The following IL1RAPL1 variants were observed in gnomAD, a reference collection of about 807,000 sequenced individuals.
IL1RAPL1 encodes interleukin 1 receptor accessory protein like 1.
IL1RAPL1 carries 3 observed loss-of-function variants against 48.4 expected under a neutral mutation model. The ratio of observed to expected loss-of-function variants is 0.06; its 90% CI spans 0.03 to 0.16. IL1RAPL1 has a LOEUF of 0.16. Ranked by LOEUF, IL1RAPL1 falls within the 10% of genes least tolerant of loss-of-function variation. IL1RAPL1 has a pLI of 1.00. For synonymous variants in IL1RAPL1, 185 were observed against 187.7 expected (o/e 0.99, Z 0.12); for missense variants, 349 against 530.6 (o/e 0.66, Z 3.36).
intron 3 of IL1RAPL1, among the ~76,000 whole-genome samples, chrX:29,295,027 A>G (rs1283857114): frequency 9.0e-6 from 1 of 111,517 alleles, no homozygotes; most frequent in African/African-American, 3.3e-5. Context: ...ACAGACAAGG[A>G]GTGTTTACAA....
intron 2 of IL1RAPL1, among the ~76,000 whole-genome samples, chrX:28,857,820 T>C (rs1921842122): frequency 8.9e-6 from 1 of 112,119 alleles, no homozygotes; most frequent in South Asian, 3.7e-4. Context: ...AAAGGTGTGA[T>C]TTTTCAAGTA....
At chrX:28,876,117 C>T (rs1186827670) in intron 2 of IL1RAPL1, among the ~76,000 whole-genome samples, 1 of 111,447 alleles carries the variant, frequency 9.0e-6, no homozygotes, top group African/African-American at 3.3e-5. Flanking sequence ...CCAAATAAAT[C>T]TGTGTTCTTT....
intron 6 of IL1RAPL1, among the ~76,000 whole-genome samples, chrX:29,752,064 A>G (rs1336785811): frequency 1.1e-5 from 1 of 92,721 alleles, no homozygotes; most frequent in Non-Finnish European, 2.0e-5. Context: ...ATATATATGT[A>G]TATATATGTG....
chrX:28,730,999 C>T (rs10521945), intron 1 of IL1RAPL1, among the ~76,000 whole-genome samples: 6,477 of 110,782 alleles, frequency 0.058, 373 homozygotes, highest in East Asian at 0.33. Context: ...GGAAGTGACT[C>T]AGATGTAAGA....
chrX:29,435,537 T>G (rs1274875038), intron 5 of IL1RAPL1, among the ~76,000 whole-genome samples: 1 of 111,048 alleles, frequency 9.0e-6, no homozygotes, highest in Non-Finnish European at 1.9e-5. Flanking sequence ...GAATGCGAAG[T>G]GGTACCTCAT....
intron 5 of IL1RAPL1, among the ~76,000 whole-genome samples, chrX:29,472,145 C>T (rs1934928320): frequency 8.9e-6 from 1 of 111,907 alleles, no homozygotes; most frequent in African/African-American, 3.3e-5. Context: ...GGCTATACAA[C>T]TAAATCCTAC....
intron 2 of IL1RAPL1, among the ~76,000 whole-genome samples, chrX:28,915,847 A>T (rs938439690): frequency 1.8e-5 from 2 of 110,343 alleles, no homozygotes; most frequent in African/African-American, 6.6e-5. Flanking sequence ...CAACATATTC[A>T]TTTTTTTTAA....
At chrX:29,847,464 A>G (rs1488849173) in intron 6 of IL1RAPL1, among the ~76,000 whole-genome samples, 1 of 112,191 alleles carries the variant, frequency 8.9e-6, no homozygotes, top group Non-Finnish European at 1.9e-5. Context: ...TGAGTTGTGT[A>G]AAAATTTTAA....
rs144992911 is a variant in IL1RAPL1, at chrX:29,402,163, G to A, written c.703+2855G>A. Among the ~76,000 whole-genome samples the A allele has an allele frequency of 9.6e-3, 1,071 of 111,281 alleles. 14 individuals carry two copies. The highest frequency in any genetic ancestry group is 0.033 in the African/African-American group (1,014 of 30,647). ...TTTTCTTTTAAATTAAAGATGTTACGGCACCATCTCTAGCCTCTATCTTTT... is the reference window on the plus strand; with the variant it reads ...TTTTCTTTTAAATTAAAGATGTTACAGCACCATCTCTAGCCTCTATCTTTT... On this transcript the variant is annotated intron_variant, in intron 5 of 10. Coordinates refer to ENST00000378993, the MANE Select transcript of IL1RAPL1 (RefSeq NM_014271.4).
chrX:29,679,851 T>A (rs184811361), intron 6 of IL1RAPL1, among the ~76,000 whole-genome samples: 35 of 111,978 alleles, frequency 3.1e-4, no homozygotes, highest in Admixed American at 1.7e-3. Flanking sequence ...GTGACTATTA[T>A]GAAAGACATG....
intron 5 of IL1RAPL1, among the ~76,000 whole-genome samples, chrX:29,586,906 G>A (rs1014971473): frequency 2.7e-5 from 3 of 111,178 alleles, no homozygotes; most frequent in Non-Finnish European, 5.7e-5. Context: ...TACCAAATTC[G>A]TGTTGTAGCA....
chrX:28,863,343 A>C (rs1255292784), intron 2 of IL1RAPL1, among the ~76,000 whole-genome samples: 1 of 111,060 alleles, frequency 9.0e-6, no homozygotes, highest in Non-Finnish European at 1.9e-5. Context: ...TTTAAAAAAA[A>C]AAAATGAGTG....
intron 2 of IL1RAPL1, among the ~76,000 whole-genome samples, chrX:28,843,243 A>T (rs2147293006): frequency 9.1e-6 from 1 of 110,183 alleles, no homozygotes; most frequent in African/African-American, 3.3e-5. Flanking sequence ...TATATAATTA[A>T]TGAGCTGAAC....
At chrX:29,801,074 A>C (rs1229807951) in intron 6 of IL1RAPL1, among the ~76,000 whole-genome samples, 2 of 95,994 alleles carry the variant, frequency 2.1e-5, no homozygotes, top group Non-Finnish European at 4.2e-5. Flanking sequence ...AAAAAAAAAA[A>C]AAAAAACTCA....
intron 3 of IL1RAPL1, among the ~76,000 whole-genome samples, chrX:29,387,297 T>C (rs1933790517): frequency 1.8e-5 from 2 of 112,464 alleles, no homozygotes; most frequent in Non-Finnish European, 1.9e-5. Flanking sequence ...TTTTTCCAGA[T>C]GCAGATAGTC....
chrX:29,144,332 G>T (rs1480650838), intron 2 of IL1RAPL1, among the ~76,000 whole-genome samples: 3 of 110,427 alleles, frequency 2.7e-5, no homozygotes, highest in Non-Finnish European at 3.8e-5. Flanking sequence ...GCTGGGTGCG[G>T]TGGCTCACAC....
intron 1 of IL1RAPL1, among the ~76,000 whole-genome samples, chrX:28,703,934 T>A (rs1346338727): frequency 8.9e-6 from 1 of 111,899 alleles, no homozygotes; most frequent in African/African-American, 3.2e-5. Context: ...TTCTGTTCAT[T>A]TGAGTTTCCA....
At chrX:29,305,138 G>A (rs1932597950) in intron 3 of IL1RAPL1, among the ~76,000 whole-genome samples, 1 of 111,897 alleles carries the variant, frequency 8.9e-6, no homozygotes, top group Non-Finnish European at 1.9e-5. Flanking sequence ...CTGTTAAAGA[G>A]GAAAGATACA....
intron 6 of IL1RAPL1, among the ~76,000 whole-genome samples, chrX:29,862,896 A>G (rs1601856372): frequency 9.4e-6 from 1 of 106,642 alleles, no homozygotes; most frequent in African/African-American, 3.5e-5. Context: ...GTGTTCTTTA[A>G]GGCAGATGTT....
Sources: gnomAD v4.1 joint callset for allele counts (sites outside exome capture counted in the v4.1 genomes callset) on GRCh38, gnomAD v4.1.1 for gene constraint, MANE v1.5 for transcripts, NCBI Gene and HGNC (gene_info 2026-07-23, HGNC 2026-07-21) for gene names.